CRADD: variants seen among roughly 807,000 people sequenced by gnomAD.
The protein encoded by CRADD is death domain-containing protein CRADD.
CRADD carries 9 observed loss-of-function variants against 15.5 expected under a neutral mutation model. That is an observed-to-expected ratio of 0.58 (90% CI 0.35 to 1.01). The LOEUF is 1.01. Among genes scored for constraint, CRADD ranks in the 50% least tolerant of loss-of-function variants. CRADD has a pLI of 0.02. For missense variants in CRADD, 227 were observed against 250.3 expected (o/e 0.91, Z 0.63); for synonymous variants, 118 against 107.6 (o/e 1.10, Z -0.60).
chr12:93,732,435 T>G (rs1242814379), intron 2 of CRADD, among the ~76,000 whole-genome samples: 1 of 152,132 alleles, frequency 6.6e-6, no homozygotes, highest in African/African-American at 2.4e-5. Flanking sequence ...TAAAGGCCAT[T>G]TGGGACAACA....
At chr12:93,842,481 T>A (rs1364376406) in intron 2 of CRADD, among the ~76,000 whole-genome samples, 1 of 152,012 alleles carries the variant, frequency 6.6e-6, no homozygotes, top group Non-Finnish European at 1.5e-5. Flanking sequence ...CCTGGAAAGG[T>A]GTACGTTGAG....
chr12:93,705,893 A>G (rs1955939082), intron 2 of CRADD, among the ~76,000 whole-genome samples: 1 of 152,252 alleles, frequency 6.6e-6, no homozygotes, highest in Non-Finnish European at 1.5e-5. Context: ...GATGTAGTAT[A>G]GGAACATGAG....
At chr12:93,698,223 T>C (rs10492323) in intron 2 of CRADD, among the ~76,000 whole-genome samples, 12,994 of 152,204 alleles carry the variant, frequency 0.085, 737 homozygotes, top group African/African-American at 0.16. Context: ...CCATCATTAC[T>C]GTTGGAAATT....
chr12:93,812,456 A>G (rs1344711839), intron 2 of CRADD, among the ~76,000 whole-genome samples: 1 of 151,952 alleles, frequency 6.6e-6, no homozygotes. Context: ...GGGTGGATCA[A>G]CTGAGGTCAG....
chr12:93,789,060 G>A (rs1018961511), intron 2 of CRADD, among the ~76,000 whole-genome samples: 1 of 152,022 alleles, frequency 6.6e-6, no homozygotes, highest in African/African-American at 2.4e-5. Flanking sequence ...GTGAGAGACT[G>A]GGGTGGTGGT....
At chr12:93,831,413 T>C (rs924716394) in intron 2 of CRADD, 9 of 152,228 alleles carry the variant, frequency 5.9e-5, no homozygotes, top group African/African-American at 1.9e-4. Flanking sequence ...ATTTGAAATA[T>C]TGCAAATCCT....
At chr12:93,829,185 T>G (rs1298379055) in intron 2 of CRADD, among the ~76,000 whole-genome samples, 1 of 152,002 alleles carries the variant, frequency 6.6e-6, no homozygotes, top group African/African-American at 2.4e-5. Context: ...CAGGCAGTCT[T>G]TTACCCCTGG....
At chr12:93,732,538 G>T (rs1451622114) in intron 2 of CRADD, among the ~76,000 whole-genome samples, 2 of 152,268 alleles carry the variant, frequency 1.3e-5, no homozygotes, top group East Asian at 3.9e-4. Context: ...CTTTAAAATG[G>T]TTTTTTGACC....
chr12:93,783,253 T>C (rs1435207281), intron 2 of CRADD, among the ~76,000 whole-genome samples: 3 of 147,408 alleles, frequency 2.0e-5, no homozygotes, highest in Non-Finnish European at 4.5e-5. Flanking sequence ...TTATTATTAT[T>C]ATTATTATTA....
intron 2 of CRADD, among the ~76,000 whole-genome samples, chr12:93,802,677 G>C (rs544554211): frequency 4.6e-5 from 7 of 152,286 alleles, no homozygotes; most frequent in African/African-American, 1.7e-4. Flanking sequence ...CTCCTGACAA[G>C]GGGGGAAAAC....
intron 2 of CRADD, among the ~76,000 whole-genome samples, chr12:93,745,640 T>C (rs1225942792): frequency 1.3e-5 from 2 of 152,200 alleles, no homozygotes; most frequent in African/African-American, 4.8e-5. Flanking sequence ...TAGCCATATA[T>C]CTCAGGTGAC....
At chr12:93,875,605 G>T (rs935019682) in intron 2 of CRADD, among the ~76,000 whole-genome samples, 12 of 151,820 alleles carry the variant, frequency 7.9e-5, no homozygotes, top group Non-Finnish European at 1.5e-4. Context: ...CACAAAGCTT[G>T]CAGATACTCT....
At chr12:93,826,530 G>C (rs544193982) in intron 2 of CRADD, among the ~76,000 whole-genome samples, 5 of 152,194 alleles carry the variant, frequency 3.3e-5, no homozygotes, top group Non-Finnish European at 5.9e-5. Flanking sequence ...TATATCCTCT[G>C]CTTCCAGCAG....
chr12:93,884,262 G>GAAT (rs763992445), intron 2 of CRADD, among the ~76,000 whole-genome samples: 1 of 152,172 alleles, frequency 6.6e-6, no homozygotes, highest in Non-Finnish European at 1.5e-5. Flanking sequence ...AACTAAAAAT[G>GAAT]AATAGAAGCT....
At chr12:93,740,870 T>A (rs1165697756) in intron 2 of CRADD, among the ~76,000 whole-genome samples, 1 of 152,344 alleles carries the variant, frequency 6.6e-6, no homozygotes, top group East Asian at 1.9e-4. Flanking sequence ...TAATACCTTT[T>A]AAAAGCTGTT....
chr12:93,689,938 C>T (rs1456094307), intron 2 of CRADD, among the ~76,000 whole-genome samples: 6 of 152,082 alleles, frequency 3.9e-5, no homozygotes, highest in Non-Finnish European at 7.4e-5. Context: ...GATGAGGAAA[C>T]GAAGGGATAT....
chr12:93,732,005 G>A (rs1035147638), intron 2 of CRADD, among the ~76,000 whole-genome samples: 1 of 152,012 alleles, frequency 6.6e-6, no homozygotes, highest in African/African-American at 2.4e-5. Context: ...GCATGGTGAT[G>A]GGTGCCTGTA....
At chr12:93,694,927 T>C (rs1182535306) in intron 2 of CRADD, among the ~76,000 whole-genome samples, 1 of 152,146 alleles carries the variant, frequency 6.6e-6, no homozygotes, top group African/African-American at 2.4e-5. Flanking sequence ...CTATCAAAAT[T>C]CTAGTGACAT....
intron 2 of CRADD, chr12:93,859,317 AG>A (rs1171723437): frequency 2.2e-6 from 1 of 455,812 alleles, no homozygotes; most frequent in Non-Finnish European, 4.4e-6. Context: ...CTTTTGTTAT[AG>A]GGTGTTGGCC....
Sources: gnomAD v4.1 joint callset for allele counts (sites outside exome capture counted in the v4.1 genomes callset) on GRCh38, gnomAD v4.1.1 for gene constraint, MANE v1.5 for transcripts, NCBI Gene and HGNC (gene_info 2026-07-23, HGNC 2026-07-21) for gene names.